Variants in CHIT1 observed in about 807,000 individuals in gnomAD.
CHIT1 encodes the protein chitotriosidase-1.
Under a neutral mutation model 52.0 loss-of-function variants are expected in CHIT1, and 47 were observed. That is an observed-to-expected ratio of 0.90 (90% CI 0.71 to 1.15). CHIT1 has a LOEUF of 1.15. Ranked by LOEUF, CHIT1 falls within the 50% of genes most tolerant of loss-of-function variation. The pLI, the probability that CHIT1 is intolerant of heterozygous loss-of-function variation, is 0.00. For missense variants in CHIT1, 569 were observed against 583.0 expected (o/e 0.98, Z 0.25); for synonymous variants, 242 against 228.2 (o/e 1.06, Z -0.54).
chr1:203,224,846 C>G (rs1280413846), intron 4 of CHIT1, among the ~76,000 whole-genome samples: 1 of 152,102 alleles, frequency 6.6e-6, no homozygotes, highest in Non-Finnish European at 1.5e-5. Flanking sequence ...CTGAAACAGC[C>G]TGGAGCAAAG....
In CHIT1 at chr1:203,219,235, A is replaced by G. The variant is rs1289484676; in HGVS notation, c.1010T>C (p.Val337Ala). The change falls in exon 9 of 11, where the codon GTG (valine) becomes GCG (alanine). Residue 337 changes from valine to alanine, a missense_variant. By Grantham distance (64) the Val-to-Ala change is moderately conservative. Transcript: ENST00000367229. ...RDNQWVGFDD[V>A]ESFKTKVSYL... ...CCTCACCTTGGTTTTGAAGCTCTCCACATCATCAAAGCCCACCCACTGGTT... is the reference window on the plus strand; with the variant it reads ...CCTCACCTTGGTTTTGAAGCTCTCCGCATCATCAAAGCCCACCCACTGGTT... The G allele has an allele frequency of 5.0e-6, 8 of 1,605,388 alleles. No individual in the cohort carries two copies. Among genetic ancestry groups the G allele is most frequent in the Non-Finnish European group, 6.0e-6 (7 of 1,171,964 alleles).
At chr1:203,219,478 T>C (rs1656653207) in intron 8 of CHIT1, 149 bp from the exon 9 acceptor site, 2 of 887,388 alleles carry the variant, frequency 2.3e-6, no homozygotes, top group Non-Finnish European at 3.7e-6. Flanking sequence ...CCTAGAATTC[T>C]GGACTCAGCT....
intron 8 of CHIT1, 65 bp from the exon 9 acceptor site, chr1:203,219,394 C>T (rs1488060242): frequency 2.0e-6 from 2 of 1,004,002 alleles, no homozygotes; most frequent in Admixed American, 1.7e-5. Flanking sequence ...TTCCCTTCCT[C>T]ACCAGGAGGA....
intron 9 of CHIT1, 161 bp from the exon 10 acceptor site, chr1:203,218,026 G>T (rs1209463561): frequency 1.3e-6 from 2 of 1,533,314 alleles, no homozygotes; most frequent in South Asian, 2.4e-5. Flanking sequence ...GAGCCTGGAT[G>T]CTGAGTCCTC....
chr1:203,229,766 G>GGA, upstream of CHIT1: 6 of 1,014,072 alleles, frequency 5.9e-6, no homozygotes, highest in Non-Finnish European at 6.1e-6. Flanking sequence ...GGGGGGATGG[G>GGA]AGCAGGGTGG....
chr1:203,222,633 A>G (rs897862688), intron 6 of CHIT1, among the ~76,000 whole-genome samples: 6 of 152,106 alleles, frequency 3.9e-5, no homozygotes, highest in African/African-American at 1.4e-4. Flanking sequence ...AGGGAACTCT[A>G]GCTTAGGGTT....
In CHIT1 at chr1:203,216,787, C is replaced by G. The variant is rs748126985; in HGVS notation, c.*102G>C. 1 of 1,510,466 alleles carries G rather than the reference C, an allele frequency of 6.6e-7. No individual in the cohort carries two copies. The highest frequency in any genetic ancestry group is 9.2e-7 in the Non-Finnish European group (1 of 1,089,998). The allele number at this position is 1,510,466 out of a possible 1,614,324, so 93.6% of individuals were successfully genotyped here. On this transcript the variant is annotated 3_prime_UTR_variant, in exon 11 of 11. Coordinates refer to ENST00000367229, the MANE Select transcript of CHIT1 (RefSeq NM_003465.3). ...GGATAAAGGAAGACCACAGAAAGGC[C>G]TGCAGGAGCCAGATTGCGGCCCCCA...
In CHIT1 at chr1:203,217,866, C is replaced by T. The variant is rs1571842458; in HGVS notation, c.1030-1G>A. 3 of 1,193,474 alleles carry T rather than the reference C, an allele frequency of 2.5e-6. No individual in the cohort carries two copies. In the East Asian group the frequency reaches 2.1e-4, roughly 85 times the overall value. The allele number at this position is 1,193,474 out of a possible 1,614,324, so 73.9% of individuals were successfully genotyped here. ...GTCCCTTCTGCTTCAGATAGCTGAC[C>T]TGTGCAGGGAGGGGATGCAGTGGAG... On this transcript the variant is annotated splice_acceptor_variant, in intron 9 of 10. Transcript: ENST00000367229. LOFTEE classifies it high-confidence loss of function.
intron 1 of CHIT1, among the ~76,000 whole-genome samples, 172 bp from the exon 2 acceptor site, chr1:203,228,734 C>A (rs192204942): frequency 6.6e-6 from 1 of 152,138 alleles, no homozygotes; most frequent in Non-Finnish European, 1.5e-5. Flanking sequence ...TTCATGCAGA[C>A]CAGACCACGG....
At chr1:203,229,843 C>T, upstream of CHIT1, 2 of 657,864 alleles carry the variant, frequency 3.0e-6, no homozygotes, top group South Asian at 3.3e-5. Flanking sequence ...GCAATTCTTG[C>T]TTTTCTGGAA....
In CHIT1 at chr1:203,225,783, G is replaced by A. The variant is rs144393164; in HGVS notation, c.143C>T (p.Pro48Leu). The change falls in exon 3 of 11, where the codon CCC becomes CTC. Residue 48 changes from proline to leucine, a missense_variant. Coordinates refer to ENST00000367229, the MANE Select transcript of CHIT1 (RefSeq NM_003465.3). ...GTAGATGAGGTGGGTGCAAAGGCTGGGGTCCAAGTCCTTGGGCAGGAAGCG... is the reference window on the plus strand; with the variant it reads ...GTAGATGAGGTGGGTGCAAAGGCTGAGGTCCAAGTCCTTGGGCAGGAAGCG... Reference protein sequence around the residue: ...EARFLPKDLDPSLCTHLIYAF... With the variant: ...EARFLPKDLDLSLCTHLIYAF... 3.8e-5 allele frequency: 61 copies of A among 1,614,054 alleles called. No individual in the cohort carries two copies. Among genetic ancestry groups the A allele is most frequent in the Non-Finnish European group, 5.2e-5 (61 of 1,180,000 alleles).
chr1:203,228,630 A>C, intron 1 of CHIT1, 68 bp from the exon 2 acceptor site: 1 of 1,525,492 alleles, frequency 6.6e-7, no homozygotes, highest in Non-Finnish European at 8.9e-7. Context: ...CCCACAGCTT[A>C]CGGAAGCACA....
chr1:203,221,470 C>A (rs973592731), intron 7 of CHIT1, among the ~76,000 whole-genome samples: 1 of 151,900 alleles, frequency 6.6e-6, no homozygotes, highest in Non-Finnish European at 1.5e-5. Flanking sequence ...TCCATCTCTA[C>A]AAACTTAAAA....
intron 2 of CHIT1, among the ~76,000 whole-genome samples, chr1:203,226,632 G>A (rs920161450): frequency 6.6e-6 from 1 of 151,912 alleles, no homozygotes; most frequent in Non-Finnish European, 1.5e-5. Context: ...TTTTATCTAG[G>A]AGAAGGCATC....
chr1:203,225,488 C>CT (rs950048408), intron 3 of CHIT1, among the ~76,000 whole-genome samples, 181 bp downstream of exon 3: 3 of 152,144 alleles, frequency 2.0e-5, no homozygotes, highest in Admixed American at 2.0e-4. Flanking sequence ...TTGGGATCCC[C>CT]TAAGCAAACC....
chr1:203,223,030 A>C, intron 6 of CHIT1, 105 bp downstream of exon 6: 2 of 1,489,014 alleles, frequency 1.3e-6, no homozygotes, highest in Non-Finnish European at 1.9e-6. Context: ...GACTTTCCAA[A>C]TGCCTTGTAG....
Position 203,225,700 on chromosome 1 carries a change from G to C in CHIT1, c.226C>G (p.Leu76Val), listed in dbSNP as rs770972705. ...LSTTEWNDET[L>V]YQEFNGLKKM... Reference sequence around the variant, plus strand: ...TTCAGGCCATTGAACTCCTGGTAGAGAGTCTCGTCATTCCACTCAGTGGTG... The same window carrying C: ...TTCAGGCCATTGAACTCCTGGTAGACAGTCTCGTCATTCCACTCAGTGGTG... The change falls in exon 3 of 11, where the codon CTC (leucine) becomes GTC (valine). Residue 76 changes from leucine (L) to valine (V), a missense_variant. Physicochemically the swap from Leu to Val is conservative, Grantham distance 32. Transcript: ENST00000367229. 19 of 1,614,014 alleles carry C rather than the reference G, an allele frequency of 1.2e-5. No individual in the cohort carries two copies. The highest frequency in any genetic ancestry group is 1.5e-5 in the Non-Finnish European group (18 of 1,180,016).
intron 10 of CHIT1, chr1:203,217,479 TG>T: frequency 1.6e-6 from 2 of 1,235,050 alleles, no homozygotes; most frequent in Non-Finnish European, 2.3e-6. Context: ...GCTCCCAGTC[TG>T]GGGGCCCTCT....
upstream of CHIT1, chr1:203,229,824 T>C (rs992900296): frequency 4.3e-4 from 299 of 696,306 alleles, 1 homozygote; most frequent in Non-Finnish European, 4.7e-4. Context: ...CTTGACACAA[T>C]GGCCTTTAGC....
Sources: gnomAD v4.1 joint callset for allele counts (sites outside exome capture counted in the v4.1 genomes callset) on GRCh38, gnomAD v4.1.1 for gene constraint, MANE v1.5 for transcripts, NCBI Gene and HGNC (gene_info 2026-07-23, HGNC 2026-07-21) for gene names.